KIF5C: variants seen among roughly 807,000 people sequenced by gnomAD.
The protein encoded by KIF5C is kinesin heavy chain isoform 5C.
KIF5C carries 18 observed loss-of-function variants against 125.2 expected under a neutral mutation model. That is an observed-to-expected ratio of 0.14 (90% CI 0.10 to 0.21). The LOEUF is 0.21. KIF5C is among the 10% of genes least tolerant of loss of function. The pLI is 1.00. For missense variants in KIF5C, 780 were observed against 1,183.8 expected (o/e 0.66, Z 5.01); for synonymous variants, 405 against 434.0 (o/e 0.93, Z 0.83).
chr2:148,978,876 A>G, intron 12 of KIF5C, 46 bp from the exon 13 acceptor site: 1 of 1,546,808 alleles, frequency 6.5e-7, no homozygotes, highest in Non-Finnish European at 8.7e-7. Flanking sequence ...GGGATATCAA[A>G]AATGACATAA....
In KIF5C at chr2:149,011,655, T is replaced by C; in HGVS notation, c.2853T>C (p.Asn951=). Residue 951 remains asparagine (N), a synonymous_variant, in exon 25 of 26, where the codon AAT becomes AAC. Transcript: ENST00000435030. ...AIRGGGGSSS[N]STHYQK Reference sequence around the variant, plus strand: ...GAGGGGGAGGAGGCAGCTCTTCAAATTCCACTCACTACCAGAAATAAATAC... The same window carrying C: ...GAGGGGGAGGAGGCAGCTCTTCAAACTCCACTCACTACCAGAAATAAATAC... 2 of 1,614,040 alleles carry C rather than the reference T, an allele frequency of 1.2e-6. No homozygotes were observed. Among genetic ancestry groups the C allele is most frequent in the Non-Finnish European group, 1.7e-6 (2 of 1,179,882 alleles).
chr2:148,939,190 G>T (rs141932665), intron 4 of KIF5C, among the ~76,000 whole-genome samples: 220 of 151,114 alleles, frequency 1.5e-3, no homozygotes, highest in African/African-American at 5.0e-3. Flanking sequence ...CTGACCAACC[G>T]CACATGCGAT....
intron 16 of KIF5C, among the ~76,000 whole-genome samples, chr2:148,993,225 C>G (rs1437557860): frequency 6.6e-6 from 1 of 152,148 alleles, no homozygotes; most frequent in Non-Finnish European, 1.5e-5. Context: ...AGGGTGTAGC[C>G]AGAGGAGGGC....
intron 1 of KIF5C, among the ~76,000 whole-genome samples, chr2:148,913,724 A>G (rs1418821792): frequency 6.6e-6 from 1 of 152,200 alleles, no homozygotes. Context: ...ATGGTACTGC[A>G]CTGTGCCAGG....
intron 4 of KIF5C, among the ~76,000 whole-genome samples, chr2:148,939,350 T>C (rs1379984181): frequency 6.6e-6 from 1 of 152,198 alleles, no homozygotes; most frequent in Non-Finnish European, 1.5e-5. Context: ...AAAGCCTGCT[T>C]CTCCTTCTTG....
At chr2:148,881,576 G>A (rs1277455793) in intron 1 of KIF5C, among the ~76,000 whole-genome samples, 1 of 151,870 alleles carries the variant, frequency 6.6e-6, no homozygotes, top group East Asian at 1.9e-4. Context: ...AATAACTTGG[G>A]TATCACTGGA....
chr2:148,960,812 G>A (rs572950087), intron 10 of KIF5C, among the ~76,000 whole-genome samples: 1 of 152,336 alleles, frequency 6.6e-6, no homozygotes, highest in African/African-American at 2.4e-5. Context: ...GACGGTGTAA[G>A]AACTGTTGGA....
At position 148,935,608 on chromosome 2, in the gene KIF5C, T is replaced by C. The variant is rs79819709; in HGVS notation, c.292-1676T>C. Among the ~76,000 whole-genome samples the C allele has an allele frequency of 7.2e-5, 11 of 152,232 alleles. 1 individual carries two copies. The highest frequency in any genetic ancestry group is 2.9e-5 in the Non-Finnish European group (2 of 68,038). ...TATCAAGATTTGAGATTGTCAGTCATTTGGCACTGTTTTCTTTCCTAAGAT... is the reference window on the plus strand; with the variant it reads ...TATCAAGATTTGAGATTGTCAGTCACTTGGCACTGTTTTCTTTCCTAAGAT... On this transcript the variant is annotated intron_variant, in intron 3 of 25. Coordinates refer to ENST00000435030, the MANE Select transcript of KIF5C (RefSeq NM_004522.3).
intron 14 of KIF5C, among the ~76,000 whole-genome samples, chr2:148,983,101 G>C (rs996152589): frequency 6.6e-6 from 1 of 152,100 alleles, no homozygotes; most frequent in Non-Finnish European, 1.5e-5. Flanking sequence ...TCTGAAAATT[G>C]GAAGACTTTT....
intron 23 of KIF5C, 75 bp from the exon 24 acceptor site, chr2:149,010,060 C>T: frequency 2.0e-6 from 3 of 1,468,604 alleles, no homozygotes; most frequent in Non-Finnish European, 2.7e-6. Context: ...GCAGCAGGGG[C>T]TGCTTCTGGC....
chr2:148,895,877 C>T (rs1463520855), intron 1 of KIF5C, among the ~76,000 whole-genome samples: 2 of 1,932 alleles, frequency 1.0e-3, no homozygotes, highest in African/African-American at 1.3e-3. Context: ...CACACACACC[C>T]ACAGAGATCT....
At chr2:148,945,375 A>G (rs1682498908) in intron 7 of KIF5C, among the ~76,000 whole-genome samples, 1 of 152,158 alleles carries the variant, frequency 6.6e-6, no homozygotes, top group South Asian at 2.1e-4. Flanking sequence ...TTTTTCCAAC[A>G]CTATTTGTTG....
intron 23 of KIF5C, among the ~76,000 whole-genome samples, chr2:149,009,405 T>C (rs1336548528): frequency 1.3e-5 from 2 of 152,208 alleles, no homozygotes; most frequent in Non-Finnish European, 2.9e-5. Flanking sequence ...TAGCTCACTT[T>C]GGTGTAGCAC....
At chr2:148,949,053 G>C (rs1402534632) in intron 8 of KIF5C, among the ~76,000 whole-genome samples, 1 of 152,066 alleles carries the variant, frequency 6.6e-6, no homozygotes, top group Non-Finnish European at 1.5e-5. Context: ...TTCCTTTCTT[G>C]AGAGAGCAGC....
chr2:149,003,625 G>A (rs58103686), intron 21 of KIF5C, among the ~76,000 whole-genome samples: 2,424 of 152,344 alleles, frequency 0.016, 64 homozygotes, highest in African/African-American at 0.055. Flanking sequence ...TGATGGAGGA[G>A]AAAGCATTGC....
intron 12 of KIF5C, among the ~76,000 whole-genome samples, chr2:148,978,020 T>C (rs560049469): frequency 6.6e-6 from 1 of 152,340 alleles, no homozygotes; most frequent in South Asian, 2.1e-4. Flanking sequence ...CTGACTCTGT[T>C]TGGTGTTTAG....
chr2:148,895,879 CAG>C (rs956575716), intron 1 of KIF5C, among the ~76,000 whole-genome samples: 33 of 141,214 alleles, frequency 2.3e-4, no homozygotes, highest in Middle Eastern at 3.8e-3. Flanking sequence ...CACACACCCA[CAG>C]AGATCTGGTG....
chr2:148,881,174 C>T lies in KIF5C; in HGVS notation c.126+5431C>T, dbSNP rs537240542. Among the ~76,000 whole-genome samples, 3 of 152,168 alleles carry T rather than the reference C, an allele frequency of 2.0e-5. No individual in the cohort carries two copies. The South Asian group carries it at 6.2e-4, about 32-fold the overall frequency. ...TTCCTCATGTCAACATTAGCTTTGG[C>T]CCCACAAATTAGTGCCCCTTCTGGC... On this transcript the variant is annotated intron_variant, in intron 1 of 25. Transcript: ENST00000435030.
At chr2:148,925,485 C>A (rs1468141944) in intron 2 of KIF5C, among the ~76,000 whole-genome samples, 1 of 152,180 alleles carries the variant, frequency 6.6e-6, no homozygotes, top group Admixed American at 6.5e-5. Context: ...TAAATCATAA[C>A]AACTTTCTGA....
Sources: allele counts gnomAD v4.1 joint callset (sites outside exome capture counted in the v4.1 genomes callset), GRCh38; gene constraint gnomAD v4.1.1; transcripts MANE v1.5; gene names NCBI Gene and HGNC (gene_info 2026-07-23, HGNC 2026-07-21).